The following NCKAP5L variants were observed in gnomAD, a reference collection of about 807,000 sequenced individuals.
The protein encoded by NCKAP5L is nck-associated protein 5-like.
A neutral mutation model predicts 103.2 loss-of-function variants in NCKAP5L; 54 were observed. The observed-to-expected ratio is 0.52, with a 90% CI of 0.42 to 0.66. The LOEUF (loss-of-function observed/expected upper bound fraction) is 0.66, where lower values mean the gene tolerates loss of function less well. Ranked by LOEUF, NCKAP5L falls within the 30% of genes least tolerant of loss-of-function variation. The pLI is 0.00. For missense variants in NCKAP5L, 1,733 were observed against 1,750.6 expected, an observed-to-expected ratio of 0.99 and a Z score of 0.18; for synonymous variants, 762 against 748.6, an observed-to-expected ratio of 1.02 and a Z score of -0.29.
chr12:49,795,159 G>T lies in NCKAP5L; in HGVS notation c.2701C>A (p.Gln901Lys). 1 of 1,607,764 alleles carries T rather than the reference G, an allele frequency of 6.2e-7. No individual in the cohort carries two copies. The highest frequency in any genetic ancestry group is 8.5e-7 in the Non-Finnish European group (1 of 1,177,950). Residue 901 changes from glutamine (Q) to lysine (K), a missense_variant, in exon 8 of 13, where the codon CAG becomes AAG. By Grantham distance (53) the Gln-to-Lys change is moderately conservative. Transcript: ENST00000335999. The part of the protein sequence containing the change: ...IEENVLRLQG[Q>K]ERAPGAEVKH... Reference sequence around the variant, plus strand: ...ACCTCGGCGCCAGGGGCTCGCTCCTGGCCCTGGAGCCGCAGCACGTTCTCC... The same window carrying T: ...ACCTCGGCGCCAGGGGCTCGCTCCTTGCCCTGGAGCCGCAGCACGTTCTCC...
intron 5 of NCKAP5L, 82 bp from the exon 6 acceptor site, chr12:49,802,049 C>T: frequency 6.5e-7 from 1 of 1,547,260 alleles, no homozygotes; most frequent in Non-Finnish European, 8.8e-7. Flanking sequence ...AGAGCAGCGG[C>T]ATCTGTCTGG....
chr12:49,796,776 A>AGGCCTG lies in NCKAP5L; in HGVS notation c.1083_1084insCAGGCC (p.Ser361_Ser362insGlnAla). 6.2e-7 allele frequency: 1 copy of AGGCCTG among 1,613,638 alleles called. No homozygotes were observed. Among genetic ancestry groups the AGGCCTG allele is most frequent in the Non-Finnish European group, 8.5e-7 (1 of 1,179,796 alleles). On this transcript the variant is annotated inframe_insertion, in exon 8 of 13. Transcript: ENST00000335999. ...AGCTGTGGGGGCGCCTGGTCTGGGG[A>AGGCCTG]GGATGACTGCCCAGGACCTGGGTGG...
At chr12:49,822,548 A>AT (rs776773360) in intron 1 of NCKAP5L, among the ~76,000 whole-genome samples, 3,300 of 139,460 alleles carry the variant, frequency 0.024, 104 homozygotes, top group African/African-American at 0.075. Flanking sequence ...TGGGAGTGAG[A>AT]TTTTTTTTTT....
Position 49,826,072 on chromosome 12 carries a change from G to C in NCKAP5L, c.-99+2250C>G, listed in dbSNP as rs375709209. ...AGGGCCTGGGAGGCTGGCTGGGCTG[G>C]ATGAGGGCGGTGGGGAAGAATCCTT... On this transcript the variant is annotated intron_variant, in intron 1 of 12. Transcript: ENST00000335999. 9.2e-3 allele frequency among the ~76,000 whole-genome samples: 1,395 copies of C among 151,188 alleles called. 11 individuals are homozygous for C. Among genetic ancestry groups the C allele is most frequent in the South Asian group, 0.027 (130 of 4,762 alleles).
chr12:49,802,658 A>C, intron 5 of NCKAP5L: 1 of 448,132 alleles, frequency 2.2e-6, no homozygotes, highest in Non-Finnish European at 4.0e-6. Context: ...GTGAGTAAAT[A>C]TTCAGATGCC....
chr12:49,802,916 G>C (rs764936027), intron 5 of NCKAP5L, 42 bp downstream of exon 5: 3 of 1,592,722 alleles, frequency 1.9e-6, no homozygotes, highest in Non-Finnish European at 2.6e-6. Context: ...GGTCTCATCT[G>C]CTGTGCCCAG....
At chr12:49,826,513 A>G (rs1321937358) in intron 1 of NCKAP5L, among the ~76,000 whole-genome samples, 3 of 152,140 alleles carry the variant, frequency 2.0e-5, no homozygotes, top group African/African-American at 7.2e-5. Context: ...ACTAATTGCA[A>G]TTTAAAGCAC....
Position 49,821,705 on chromosome 12 carries a change from A to C in NCKAP5L, c.-99+6617T>G, listed in dbSNP as rs1450972574. ...TATAAAACTGTTTAATTACTTGATT[A>C]ACGTGGACTTTTTTGATCACCACTG... On this transcript the variant is annotated intron_variant, in intron 1 of 12. Coordinates refer to ENST00000335999, the MANE Select transcript of NCKAP5L (RefSeq NM_001037806.4). 2.0e-5 allele frequency among the ~76,000 whole-genome samples: 3 copies of C among 152,254 alleles called. No homozygotes were observed. In the East Asian group the frequency reaches 5.8e-4, roughly 29 times the overall value.
In NCKAP5L at chr12:49,795,665, C is replaced by G. The variant is rs773868845; in HGVS notation, c.2195G>C (p.Gly732Ala). 3 of 1,612,062 alleles carry G rather than the reference C, an allele frequency of 1.9e-6. No homozygotes were observed. In the African/African-American group the frequency reaches 4.0e-5, roughly 22 times the overall value. ...KGGIRGAVAL[G>A]TNSLKQQEPG... ...TTCCTGCTGCTTCAGGCTGTTTGTGCCCAAGGCCACTGCCCCCCGTATCCC... is the reference window on the plus strand; with the variant it reads ...TTCCTGCTGCTTCAGGCTGTTTGTGGCCAAGGCCACTGCCCCCCGTATCCC... Residue 732 changes from glycine (G) to alanine (A), a missense_variant, in exon 8 of 13, where the codon GGC (glycine) becomes GCC (alanine). By Grantham distance (60) the Gly-to-Ala change is moderately conservative. Transcript: ENST00000335999.
At chr12:49,826,779 TC>T (rs1039506534) in intron 1 of NCKAP5L, among the ~76,000 whole-genome samples, 1 of 152,092 alleles carries the variant, frequency 6.6e-6, no homozygotes, top group Non-Finnish European at 1.5e-5. Context: ...ACCCGCTTGC[TC>T]CCCAAACACT....
rs752959595 is a variant in NCKAP5L at position 49,792,763 on chromosome 12, C to T, written c.3564G>A (p.Val1188=). ...REVPGIEELL[V]SGRHPSMPAF... is the part of the protein sequence containing the mutation. The stretch of plus-strand genomic sequence containing the variant: ...CTGGCATGCTGGGGTGCCGCCCACT[C>T]ACCAGCAGCTCCTCTATGCCTGGCA... The change falls in exon 11 of 13, where the codon GTG becomes GTA. Residue 1188 remains valine (V), a synonymous_variant. Transcript: ENST00000335999. This position sits in a 1 kb window ranked among gnomAD's most constrained non-coding sequence, Gnocchi z 4.5. The T allele has an allele frequency of 1.9e-6, 3 of 1,609,082 alleles. No homozygotes were observed. Among genetic ancestry groups the T allele is most frequent in the Non-Finnish European group, 2.5e-6 (3 of 1,178,736 alleles).
At chr12:49,794,010 G>C in intron 8 of NCKAP5L, 114 bp from the exon 9 acceptor site, 1 of 995,274 alleles carries the variant, frequency 1.0e-6, no homozygotes, top group Non-Finnish European at 1.4e-6. Context: ...ATCCACCCCC[G>C]GGGAAGGGGA....
chr12:49,794,765 C>T lies in NCKAP5L; in HGVS notation c.3095G>A (p.Arg1032Lys). The T allele has an allele frequency of 6.7e-7, 1 of 1,503,212 alleles. No individual in the cohort carries two copies. The highest frequency in any genetic ancestry group is 8.9e-7 in the Non-Finnish European group (1 of 1,126,462). The allele number at this position is 1,503,212 out of a possible 1,614,324, so 93.1% of individuals were successfully genotyped here. Residue 1032 changes from arginine to lysine, a missense_variant and splice_region_variant, in exon 8 of 13, where the codon AGG becomes AAG. Coordinates refer to ENST00000335999, the MANE Select transcript of NCKAP5L (RefSeq NM_001037806.4). The stretch of plus-strand genomic sequence containing the variant: ...CTGTTGACTGATCCCAGGACCTCAC[C>T]TGTTTAGCAGCTGCTGCATGAAGGT... ...ADTFMQQLLN[R>K]VDGKELPSKS... is the part of the protein sequence containing the mutation.
At position 49,801,930 on chromosome 12, in the gene NCKAP5L, A is replaced by G. The variant is rs373835316; in HGVS notation, c.269T>C (p.Val90Ala). 73 of 1,613,544 alleles carry G rather than the reference A, an allele frequency of 4.5e-5. No individual in the cohort carries two copies. Among genetic ancestry groups the G allele is most frequent in the Non-Finnish European group, 5.4e-5 (64 of 1,179,824 alleles). The change falls in exon 6 of 13, where the codon GTG becomes GCG. Residue 90 changes from valine (V) to alanine (A), a missense_variant. Physicochemically the swap from Val to Ala is moderately conservative, Grantham distance 64. Transcript: ENST00000335999. ...CTGGTTCTGCCGTTCCAGGTCAAAC[A>G]CTCTCTTCTTCAGCTTGATGCACTC... The part of the protein sequence containing the change: ...REECIKLKKR[V>A]FDLERQNQML...
intron 1 of NCKAP5L, among the ~76,000 whole-genome samples, chr12:49,807,339 A>AT (rs141103260): frequency 2.0e-5 from 3 of 151,872 alleles, no homozygotes; most frequent in East Asian, 3.9e-4. Context: ...TTTAATACTG[A>AT]TTTTTTTATT....
chr12:49,813,718 G>GAAA (rs1285830749), intron 1 of NCKAP5L, among the ~76,000 whole-genome samples: 1 of 151,966 alleles, frequency 6.6e-6, no homozygotes. Flanking sequence ...AGTAGAGATG[G>GAAA]GGTTTCACCA....
At chr12:49,827,526 AGGATCCG>A (rs1012252247) in intron 1 of NCKAP5L, among the ~76,000 whole-genome samples, 6 of 152,208 alleles carry the variant, frequency 3.9e-5, no homozygotes, top group African/African-American at 1.4e-4. Context: ...GAGGGGAGCT[AGGATCCG>A]GGCAGCCGCT....
intron 5 of NCKAP5L, chr12:49,802,693 G>C: frequency 1.8e-6 from 1 of 548,614 alleles, no homozygotes; most frequent in South Asian, 2.4e-5. Context: ...CATCAACACT[G>C]CTTTAAGGGC....
intron 1 of NCKAP5L, among the ~76,000 whole-genome samples, chr12:49,808,749 A>G (rs568766627): frequency 6.6e-6 from 1 of 152,254 alleles, no homozygotes; most frequent in Admixed American, 6.5e-5. Context: ...TCCTGCTCAC[A>G]GCCATGAGCT....
Sources: allele counts gnomAD v4.1 joint callset (sites outside exome capture counted in the v4.1 genomes callset), GRCh38; gene constraint gnomAD v4.1.1; non-coding constraint Gnocchi (gnomAD v3.1); transcripts MANE v1.5; gene names NCBI Gene and HGNC (gene_info 2026-07-23, HGNC 2026-07-21).